Variants in CDK19 observed in about 807,000 individuals in gnomAD.
CDK19 encodes the protein cyclin-dependent kinase 19.
In CDK19, 20 loss-of-function variants were observed where a neutral mutation model predicts 68.3. The ratio of observed to expected loss-of-function variants is 0.29; its 90% CI spans 0.21 to 0.43. CDK19 has a LOEUF of 0.43. Among genes scored for constraint, CDK19 ranks in the 20% least tolerant of loss-of-function variants. The pLI, the probability that CDK19 is intolerant of heterozygous loss-of-function variation, is 1.00. For missense variants in CDK19, 339 were observed against 623.5 expected, an observed-to-expected ratio of 0.54 and a Z score of 4.86; for synonymous variants, 221 against 222.8, an observed-to-expected ratio of 0.99 and a Z score of 0.07.
intron 2 of CDK19, among the ~76,000 whole-genome samples, chr6:110,690,580 T>C (rs1158860610): frequency 6.6e-6 from 1 of 152,182 alleles, no homozygotes; most frequent in Non-Finnish European, 1.5e-5. Context: ...ATAGTCACCC[T>C]AGTAAATAAA....
chr6:110,766,988 G>T (rs924375052), intron 1 of CDK19, among the ~76,000 whole-genome samples: 2 of 151,852 alleles, frequency 1.3e-5, no homozygotes, highest in African/African-American at 4.8e-5. Flanking sequence ...TCCAAAATAA[G>T]ATGGGCATTG....
At chr6:110,793,242 T>C (rs1482340953) in intron 1 of CDK19, among the ~76,000 whole-genome samples, 3 of 152,058 alleles carry the variant, frequency 2.0e-5, no homozygotes, top group Non-Finnish European at 4.4e-5. Context: ...AAAAAGAAAA[T>C]GTCTTTGTGA....
intron 1 of CDK19, among the ~76,000 whole-genome samples, chr6:110,799,059 A>G (rs892047368): frequency 1.4e-5 from 2 of 148,092 alleles, no homozygotes; most frequent in African/African-American, 5.0e-5. Flanking sequence ...TGGGAGAATC[A>G]CCTGAGCCAG....
At chr6:110,675,119 T>C (rs546708157) in intron 2 of CDK19, among the ~76,000 whole-genome samples, 16 of 152,188 alleles carry the variant, frequency 1.1e-4, no homozygotes, top group Non-Finnish European at 2.2e-4. Flanking sequence ...TTGATGAAGA[T>C]GGCTACACTA....
At chr6:110,700,293 T>TA (rs1308003397) in intron 2 of CDK19, among the ~76,000 whole-genome samples, 1 of 152,178 alleles carries the variant, frequency 6.6e-6, no homozygotes, top group Admixed American at 6.5e-5. Context: ...ATAATAGAAA[T>TA]AAAGTGCATA....
intron 1 of CDK19, among the ~76,000 whole-genome samples, chr6:110,750,822 C>T (rs1480949038): frequency 6.6e-6 from 1 of 152,058 alleles, no homozygotes; most frequent in Non-Finnish European, 1.5e-5. Context: ...GGGAAGGAAA[C>T]AGTTCTGAAG....
At chr6:110,764,984 A>AAATAAATAAATAAATAAATAAAT (rs1478455172) in intron 1 of CDK19, among the ~76,000 whole-genome samples, 1 of 46,976 alleles carries the variant, frequency 2.1e-5, no homozygotes. Context: ...AATAAATAAA[A>AAATAAATAAATAAATAAATAAAT]ATTTTAGGGG....
At chr6:110,625,582 T>C (rs959353889) in intron 8 of CDK19, among the ~76,000 whole-genome samples, 2 of 152,180 alleles carry the variant, frequency 1.3e-5, no homozygotes, top group Non-Finnish European at 2.9e-5. Flanking sequence ...TGGGATTCCA[T>C]AAGGCAATTA....
intron 2 of CDK19, among the ~76,000 whole-genome samples, chr6:110,684,041 T>C (rs1022795817): frequency 4.0e-5 from 6 of 151,672 alleles, no homozygotes; most frequent in Non-Finnish European, 5.9e-5. Context: ...CATGAGAAAA[T>C]TGGATATACT....
chr6:110,614,712 G>A, intron 12 of CDK19, 46 bp from the exon 13 acceptor site: 1 of 1,595,346 alleles, frequency 6.3e-7, no homozygotes, highest in Admixed American at 1.7e-5. Flanking sequence ...GGAGGAAGAG[G>A]ATGACTCAAG....
intron 1 of CDK19, among the ~76,000 whole-genome samples, chr6:110,758,429 C>G (rs1205447850): frequency 6.6e-6 from 1 of 152,082 alleles, no homozygotes; most frequent in Non-Finnish European, 1.5e-5. Context: ...AGGACCTTAC[C>G]ATACTTTATT....
chr6:110,670,630 G>A (rs1770915031), intron 2 of CDK19, 89 bp from the exon 3 acceptor site: 1 of 776,038 alleles, frequency 1.3e-6, no homozygotes, highest in African/African-American at 1.7e-5. Context: ...CGAAATTTCT[G>A]AAAATCTAGA....
chr6:110,678,549 CCTTT>C (rs1421507784), intron 2 of CDK19, among the ~76,000 whole-genome samples: 6 of 152,148 alleles, frequency 3.9e-5, no homozygotes, highest in Admixed American at 1.3e-4. Context: ...TCTTCCCTAG[CCTTT>C]CTATTTAAAA....
chr6:110,657,374 C>T lies in CDK19; in HGVS notation c.456+10060G>A, dbSNP rs527759439. Among the ~76,000 whole-genome samples, 203 of 152,310 alleles carry T rather than the reference C, an allele frequency of 1.3e-3. 2 individuals carry two copies. Among genetic ancestry groups the T allele is most frequent in the Middle Eastern group, 3.4e-3 (1 of 294 alleles). ...GTAATCTCTTGGTAAAATGAATCAT[C>T]AGTCCTTGCATGCAAGATTCCCTTA... On this transcript the variant is annotated intron_variant, in intron 4 of 12. Coordinates refer to ENST00000368911, the MANE Select transcript of CDK19 (RefSeq NM_015076.5).
intron 2 of CDK19, among the ~76,000 whole-genome samples, chr6:110,686,145 A>G (rs984614211): frequency 7.2e-5 from 11 of 152,192 alleles, no homozygotes; most frequent in Non-Finnish European, 1.6e-4. Flanking sequence ...AGGCACTGAG[A>G]GCCTTGGGGA....
chr6:110,620,433 G>A (rs1473385689), intron 12 of CDK19, among the ~76,000 whole-genome samples: 1 of 151,808 alleles, frequency 6.6e-6, no homozygotes, highest in Admixed American at 6.6e-5. Flanking sequence ...CTTCCTAGAT[G>A]GTTTCTTAAC....
intron 2 of CDK19, among the ~76,000 whole-genome samples, chr6:110,712,136 G>A (rs1022137025): frequency 6.6e-6 from 1 of 152,136 alleles, no homozygotes; most frequent in Non-Finnish European, 1.5e-5. Context: ...TACTCCTCCT[G>A]TAAAAAAAGT....
At chr6:110,752,097 C>G (rs977199590) in intron 1 of CDK19, among the ~76,000 whole-genome samples, 1 of 151,888 alleles carries the variant, frequency 6.6e-6, no homozygotes, top group Admixed American at 6.6e-5. Context: ...GGGTATCATT[C>G]TGAATTATTC....
At position 110,742,982 on chromosome 6, in the gene CDK19, C is replaced by T. The variant is rs374535905; in HGVS notation, c.204+3144G>A. Among the ~76,000 whole-genome samples the T allele has an allele frequency of 2.6e-4, 39 of 152,182 alleles. No individual in the cohort carries two copies. In the South Asian group the frequency reaches 7.0e-3, roughly 28 times the overall value. On this transcript the variant is annotated intron_variant, in intron 2 of 12. Coordinates refer to ENST00000368911, the MANE Select transcript of CDK19 (RefSeq NM_015076.5). ...CCCTAACAAAAACTTGCTGGTTTTG[C>T]GGCTCAGGGGACATCACAGACCTAC...
Sources: gnomAD v4.1 joint callset for allele counts (sites outside exome capture counted in the v4.1 genomes callset) on GRCh38, gnomAD v4.1.1 for gene constraint, MANE v1.5 for transcripts, NCBI Gene and HGNC (gene_info 2026-07-23, HGNC 2026-07-21) for gene names.